The following SYNE2 variants were observed in gnomAD, a reference collection of about 807,000 sequenced individuals.
SYNE2 encodes the protein nesprin-2.
Under a neutral mutation model 856.3 loss-of-function variants are expected in SYNE2, and 431 were observed. The observed-to-expected ratio is 0.50, with a 90% confidence interval of 0.47 to 0.55. The LOEUF (loss-of-function observed/expected upper bound fraction) is 0.55, where lower values mean the gene tolerates loss of function less well. SYNE2 is among the 20% of genes least tolerant of loss of function. SYNE2 has a pLI of 0.00. For synonymous variants in SYNE2, 2,923 were observed against 2,872.3 expected (o/e 1.02, Z -0.56); for missense variants, 8,129 against 8,023.2 (o/e 1.01, Z -0.50).
intron 97 of SYNE2, among the ~76,000 whole-genome samples, chr14:64,188,154 GTTTTT>G (rs2098501209): frequency 6.6e-6 from 1 of 152,174 alleles, no homozygotes; most frequent in African/African-American, 2.4e-5. Context: ...TGGATTAATA[GTTTTT>G]AAGTTAAATA....
At chr14:63,914,046 A>T (rs189131980) in intron 2 of SYNE2, among the ~76,000 whole-genome samples, 1 of 152,266 alleles carries the variant, frequency 6.6e-6, no homozygotes, top group East Asian at 1.9e-4. Flanking sequence ...CAAAATGCCC[A>T]TTATAGAATT....
At chr14:63,964,893 T>C (rs1180044382) in intron 10 of SYNE2, among the ~76,000 whole-genome samples, 1 of 151,796 alleles carries the variant, frequency 6.6e-6, no homozygotes, top group Admixed American at 6.6e-5. Context: ...AGAATTACAA[T>C]ACAGGGCTCA....
chr14:63,802,796 A>C (rs1407896470), intron 1 of SYNE2, among the ~76,000 whole-genome samples: 2 of 151,472 alleles, frequency 1.3e-5, no homozygotes, highest in Non-Finnish European at 2.9e-5. Flanking sequence ...GAAGCTGCAG[A>C]CCTTCGCGGT....
intron 94 of SYNE2, among the ~76,000 whole-genome samples, chr14:64,172,070 C>T (rs1268955726): frequency 6.6e-6 from 1 of 152,080 alleles, no homozygotes; most frequent in Admixed American, 6.6e-5. Flanking sequence ...AGGCTGGTCT[C>T]GAACTCCTGA....
chr14:64,170,230 C>T lies in SYNE2; in HGVS notation c.17003C>T (p.Pro5668Leu). The change falls in exon 94 of 116, where the codon CCA becomes CTA. Residue 5668 changes from proline (P) to leucine (L), a missense_variant and splice_region_variant. Around this residue, in one of 3 missense-constraint regions of SYNE2, gnomAD observed 5,410 missense variants for 5,284.8 expected, o/e 1.02. Transcript: ENST00000555002. ...TATAACCATTTGTTTTTCCCCAGACCAGAATTTATTACAGAATTCTCAAAG... is the reference window on the plus strand; with the variant it reads ...TATAACCATTTGTTTTTCCCCAGACTAGAATTTATTACAGAATTCTCAAAG... The part of the protein sequence containing the change: ...LLDTTEIENR[P>L]EFITEFSKLT... The T allele has an allele frequency of 6.2e-7, 1 of 1,613,510 alleles. No homozygotes were observed. Among genetic ancestry groups the T allele is most frequent in the Non-Finnish European group, 8.5e-7 (1 of 1,179,946 alleles).
Position 64,202,884 on chromosome 14 carries a change from T to C in SYNE2, c.18122T>C (p.Ile6041Thr). Residue 6041 changes from isoleucine (I) to threonine (T), a missense_variant, in exon 100 of 116, where the codon ATT (isoleucine) becomes ACT (threonine). By Grantham distance (89) the Ile-to-Thr change is moderately conservative. Around this residue, in one of 3 missense-constraint regions of SYNE2, gnomAD observed 5,410 missense variants for 5,284.8 expected, o/e 1.02. Coordinates refer to ENST00000555002, the MANE Select transcript of SYNE2 (RefSeq NM_182914.3). ...AACCTTCGCACCTGGTTGGCTCGAA[T>C]TGAGTCTGAGCTTTCCAAGCCTGTT... Reference protein sequence around the residue: ...MSNLRTWLARIESELSKPVVY... With the variant: ...MSNLRTWLARTESELSKPVVY... 8 of 1,614,202 alleles carry C rather than the reference T, an allele frequency of 5.0e-6. No homozygotes were observed. Among genetic ancestry groups the C allele is most frequent in the Non-Finnish European group, 6.8e-6 (8 of 1,180,014 alleles).
intron 54 of SYNE2, among the ~76,000 whole-genome samples, chr14:64,077,578 G>A (rs1039046253): frequency 6.6e-6 from 1 of 152,088 alleles, no homozygotes; most frequent in Non-Finnish European, 1.5e-5. Context: ...TACAGTTTCA[G>A]CATCTGTATA....
At chr14:64,197,397 G>C (rs947093835) in intron 99 of SYNE2, among the ~76,000 whole-genome samples, 2 of 152,216 alleles carry the variant, frequency 1.3e-5, no homozygotes, top group African/African-American at 4.8e-5. Flanking sequence ...GCTCAGACGT[G>C]TATTGTAATG....
intron 84 of SYNE2, among the ~76,000 whole-genome samples, chr14:64,148,316 A>C (rs755094551): frequency 5.9e-5 from 9 of 152,150 alleles, no homozygotes; most frequent in Admixed American, 5.9e-4. Context: ...CCCCATCTCT[A>C]ATAACAATAA....
At chr14:63,954,411 A>T (rs959641733) in intron 7 of SYNE2, among the ~76,000 whole-genome samples, 1 of 152,052 alleles carries the variant, frequency 6.6e-6, no homozygotes, top group Non-Finnish European at 1.5e-5. Flanking sequence ...TTTCAGGCCC[A>T]CCTCCAGAGT....
At chr14:64,188,500 T>C (rs1484625372) in intron 97 of SYNE2, 50 bp from the exon 98 acceptor site, 18 of 1,608,746 alleles carry the variant, frequency 1.1e-5, no homozygotes, top group Non-Finnish European at 1.5e-5. Flanking sequence ...GAGAAGGGGG[T>C]GCTTTCCTTC....
In SYNE2 at chr14:64,141,998, G is replaced by A; in HGVS notation, c.15216G>A (p.Met5072Ile). 6.2e-7 allele frequency: 1 copy of A among 1,614,130 alleles called. No homozygotes were observed. Among genetic ancestry groups the A allele is most frequent in the South Asian group, 1.1e-5 (1 of 91,082 alleles). ...RKAITEMISW[M>I]NNVEHQTSDE... ...CAATCACAGAAATGATTAGCTGGAT[G>A]AACAATGTGGAGCATCAAACTTCAG... Residue 5072 changes from methionine (M) to isoleucine (I), a missense_variant, in exon 82 of 116, where the codon ATG becomes ATA. Physicochemically the swap from Met to Ile is conservative, Grantham distance 10. Coordinates refer to ENST00000555002, the MANE Select transcript of SYNE2 (RefSeq NM_182914.3).
chr14:64,037,368 C>T lies in SYNE2; in HGVS notation c.7221+6011C>T, dbSNP rs1359532670. 2.6e-5 allele frequency among the ~76,000 whole-genome samples: 4 copies of T among 151,094 alleles called. No individual in the cohort carries two copies. In the East Asian group the frequency reaches 7.8e-4, roughly 29 times the overall value. On this transcript the variant is annotated intron_variant, in intron 45 of 115. Coordinates refer to ENST00000555002, the MANE Select transcript of SYNE2 (RefSeq NM_182914.3). ...ATGCTGCCTTCAAGTATCTGTTTAA[C>T]AAAGCACATCTTGCACCGCCCTTAA...
In SYNE2 at chr14:64,053,590, T is replaced by C. The variant is rs762745295; in HGVS notation, c.9677T>C (p.Val3226Ala). 2.3e-5 allele frequency: 37 copies of C among 1,613,918 alleles called. 1 individual carries two copies. The South Asian group carries it at 4.0e-4, about 17-fold the overall frequency. Residue 3226 changes from valine to alanine, a missense_variant, in exon 48 of 116, where the codon GTG becomes GCG. Val to Ala is a moderately conservative substitution (Grantham distance 64). This residue lies in a region of SYNE2 where 5,410 missense variants were observed against 5,284.8 expected (regional missense o/e 1.02). Coordinates refer to ENST00000555002, the MANE Select transcript of SYNE2 (RefSeq NM_182914.3). Reference protein sequence around the residue: ...REENSSEASDVETKLREFEDL... With the variant: ...REENSSEASDAETKLREFEDL... ...GAAAACTCTTCTGAAGCGAGTGATGTGGAGACAAAACTACGTGAGTTTGAA... is the reference window on the plus strand; with the variant it reads ...GAAAACTCTTCTGAAGCGAGTGATGCGGAGACAAAACTACGTGAGTTTGAA...
At chr14:64,023,977 T>C (rs1302674450) in intron 38 of SYNE2, 5 of 394,644 alleles carry the variant, frequency 1.3e-5, no homozygotes, top group Non-Finnish European at 2.4e-5. Context: ...TGTGGAGAAG[T>C]TGGACGTAGC....
intron 1 of SYNE2, among the ~76,000 whole-genome samples, chr14:63,893,987 T>G (rs2095196994): frequency 6.6e-6 from 1 of 152,068 alleles, no homozygotes; most frequent in African/African-American, 2.4e-5. Flanking sequence ...CAGAGATGAG[T>G]GATCTGTTAG....
intron 41 of SYNE2, among the ~76,000 whole-genome samples, chr14:64,026,188 A>T (rs537452233): frequency 1.3e-5 from 2 of 152,350 alleles, no homozygotes; most frequent in South Asian, 4.1e-4. Flanking sequence ...AAGAGTTGAC[A>T]TGAGGGACAC....
chr14:63,976,380 G>C (rs2153465694), intron 11 of SYNE2, among the ~76,000 whole-genome samples, 183 bp from the exon 12 acceptor site: 1 of 152,234 alleles, frequency 6.6e-6, no homozygotes, highest in Non-Finnish European at 1.5e-5. Context: ...TGGTGAGCAA[G>C]TAGCTAAGTG....
chr14:63,872,420 G>A (rs1566669631), intron 1 of SYNE2, among the ~76,000 whole-genome samples: 1 of 134,884 alleles, frequency 7.4e-6, no homozygotes, highest in Non-Finnish European at 1.6e-5. Context: ...GTGACAAAGC[G>A]AGACACCATC....
Sources: gnomAD v4.1 joint callset for allele counts (sites outside exome capture counted in the v4.1 genomes callset) on GRCh38, gnomAD v4.1.1 for gene constraint, gnomAD v4.1.1 regional missense constraint, MANE v1.5 for transcripts, NCBI Gene and HGNC (gene_info 2026-07-23, HGNC 2026-07-21) for gene names.